SIPA1L1: variants seen among roughly 807,000 people sequenced by gnomAD.
The protein encoded by SIPA1L1 is signal induced proliferation associated 1 like 1, also known as signal-induced proliferation-associated 1-like protein 1.
SIPA1L1 carries 26 observed loss-of-function variants against 162.7 expected under a neutral mutation model. The ratio of observed to expected loss-of-function variants is 0.16; its 90% CI spans 0.12 to 0.22. SIPA1L1 has a LOEUF of 0.22. Among genes scored for constraint, SIPA1L1 ranks in the 10% least tolerant of loss-of-function variants. SIPA1L1 has a pLI of 1.00. For synonymous variants in SIPA1L1, 829 were observed against 837.4 expected (o/e 0.99, Z 0.17); for missense variants, 1,874 against 2,241.0 (o/e 0.84, Z 3.31).
intron 2 of SIPA1L1, among the ~76,000 whole-genome samples, chr14:71,371,907 T>C (rs2038925061): frequency 1.3e-5 from 2 of 152,184 alleles, no homozygotes; most frequent in South Asian, 4.1e-4. Context: ...TGGCATAGTC[T>C]AGAGGTCAGG....
chr14:71,386,709 T>TATTCATTC (rs2040350131), intron 2 of SIPA1L1, among the ~76,000 whole-genome samples: 1 of 152,226 alleles, frequency 6.6e-6, no homozygotes, highest in Non-Finnish European at 1.5e-5. Context: ...AGCTCCTGAC[T>TATTCATTC]AGAAGATAAC....
At position 71,658,379 on chromosome 14, in the gene SIPA1L1, T is replaced by C. The variant is rs2043240810; in HGVS notation, c.2040T>C (p.Tyr680=). The change falls in exon 9 of 24, where the codon TAT becomes TAC. Residue 680 remains tyrosine (Y), a synonymous_variant. Coordinates refer to ENST00000381232, the MANE Select transcript of SIPA1L1 (RefSeq NM_001386936.1). Reference sequence around the variant, plus strand: ...CTCTGTACACAACATACAAAGATTATGAAATTATGTTCCATGTTTCTACCA... The same window carrying C: ...CTCTGTACACAACATACAAAGATTACGAAATTATGTTCCATGTTTCTACCA... ...THSLYTTYKD[Y]EIMFHVSTML... is the part of the protein sequence containing the mutation. 5 of 1,612,528 alleles carry C rather than the reference T, an allele frequency of 3.1e-6. No individual in the cohort carries two copies. Among genetic ancestry groups the C allele is most frequent in the Middle Eastern group, 1.7e-4 (1 of 6,058 alleles).
intron 2 of SIPA1L1, among the ~76,000 whole-genome samples, chr14:71,466,218 T>C (rs1472281862): frequency 6.6e-6 from 1 of 152,182 alleles, no homozygotes; most frequent in Non-Finnish European, 1.5e-5. Flanking sequence ...CAAAGAGAGC[T>C]CTGCTTTGTT....
At chr14:71,544,220 T>G (rs554362573) in intron 4 of SIPA1L1, among the ~76,000 whole-genome samples, 1 of 151,130 alleles carries the variant, frequency 6.6e-6, no homozygotes, top group East Asian at 1.9e-4. Context: ...TGCATGTGTA[T>G]ATACATATAT....
chr14:71,567,520 C>G (rs112965258), intron 4 of SIPA1L1, among the ~76,000 whole-genome samples: 4,694 of 152,226 alleles, frequency 0.031, 251 homozygotes, highest in African/African-American at 0.11. Flanking sequence ...ATGGCTACTC[C>G]ATAGGCAGAG....
intron 21 of SIPA1L1, 100 bp downstream of exon 21, chr14:71,733,912 C>A: frequency 1.6e-6 from 2 of 1,257,886 alleles, no homozygotes; most frequent in African/African-American, 1.5e-5. Flanking sequence ...AACATATGTG[C>A]CTCACCAGAT....
rs2082713862 is a variant in SIPA1L1, at chr14:71,709,545, G to A, written c.4089G>A (p.Leu1363=). The A allele has an allele frequency of 1.9e-6, 3 of 1,614,176 alleles. No individual in the cohort carries two copies. The East Asian group carries it at 6.7e-5, about 36-fold the overall frequency. Residue 1363 remains leucine (L), a synonymous_variant, in exon 17 of 24, where the codon CTG becomes CTA. Transcript: ENST00000381232. ...CTTTGGAGACAGAGAGCCACGGCCT[G>A]GACCGGAAAACAGAGTCTTCCCTGA... ...DRTLETESHG[L]DRKTESSLSL... is the part of the protein sequence containing the mutation.
At chr14:71,700,811 G>A (rs1002998397) in intron 14 of SIPA1L1, among the ~76,000 whole-genome samples, 16 of 151,874 alleles carry the variant, frequency 1.1e-4, no homozygotes, top group Non-Finnish European at 1.5e-5. Context: ...TGGCTAACAT[G>A]GTGAAACCTC....
chr14:71,567,331 T>A (rs550327045), intron 4 of SIPA1L1, among the ~76,000 whole-genome samples: 61 of 152,286 alleles, frequency 4.0e-4, no homozygotes, highest in African/African-American at 1.3e-3. Flanking sequence ...TTGTTTTTAA[T>A]AGCAAAAAAT....
At chr14:71,339,711 A>G (rs1296536507) in intron 2 of SIPA1L1, among the ~76,000 whole-genome samples, 1 of 151,948 alleles carries the variant, frequency 6.6e-6, no homozygotes, top group Non-Finnish European at 1.5e-5. Context: ...AGAAGGAGCC[A>G]CTCTATCTTC....
intron 2 of SIPA1L1, among the ~76,000 whole-genome samples, chr14:71,448,020 C>G (rs1417410970): frequency 6.6e-5 from 10 of 152,172 alleles, no homozygotes; most frequent in Admixed American, 6.6e-4. Context: ...GCTTTCTGTT[C>G]TGTGGCCAGA....
At chr14:71,520,756 T>C (rs2052252992) in intron 3 of SIPA1L1, among the ~76,000 whole-genome samples, 1 of 152,102 alleles carries the variant, frequency 6.6e-6, no homozygotes, top group African/African-American at 2.4e-5. Context: ...TCTTTCCTTA[T>C]TATTATTTAT....
intron 2 of SIPA1L1, among the ~76,000 whole-genome samples, chr14:71,335,718 G>A (rs1234986426): frequency 6.6e-6 from 1 of 152,206 alleles, no homozygotes. Flanking sequence ...CTCTCTACAT[G>A]AGGGTTTTTG....
chr14:71,652,983 A>G (rs1242508019), intron 8 of SIPA1L1, among the ~76,000 whole-genome samples: 1 of 151,380 alleles, frequency 6.6e-6, no homozygotes, highest in Non-Finnish European at 1.5e-5. Context: ...ACTTCCTCAC[A>G]TGTCTGGTTG....
intron 5 of SIPA1L1, among the ~76,000 whole-genome samples, chr14:71,593,032 C>A (rs2035595304): frequency 6.6e-6 from 1 of 152,142 alleles, no homozygotes. Context: ...TTGAGTTCCT[C>A]ACTTAATGCC....
At chr14:71,420,541 A>G (rs543846496) in intron 2 of SIPA1L1, among the ~76,000 whole-genome samples, 256 of 152,342 alleles carry the variant, frequency 1.7e-3, no homozygotes, top group African/African-American at 5.1e-3. Flanking sequence ...AATTCCCACC[A>G]GATCACTCAG....
chr14:71,678,866 GGAGAA>G (rs1314152123), intron 12 of SIPA1L1, among the ~76,000 whole-genome samples: 1 of 151,550 alleles, frequency 6.6e-6, no homozygotes, highest in Non-Finnish European at 1.5e-5. Flanking sequence ...TTTAGTCTTG[GGAGAA>G]GAGAAGTTTA....
intron 2 of SIPA1L1, among the ~76,000 whole-genome samples, chr14:71,339,955 G>A (rs563116255): frequency 1.1e-4 from 17 of 152,198 alleles, no homozygotes; most frequent in Admixed American, 4.6e-4. Context: ...GAGTTGAGGC[G>A]TTATCTAATG....
rs570482146 is a variant in SIPA1L1 at position 71,502,727 on chromosome 14, G to A, written c.-464-10016G>A. 2.0e-5 allele frequency among the ~76,000 whole-genome samples: 3 copies of A among 152,288 alleles called. No individual in the cohort carries two copies. In the South Asian group the frequency reaches 6.2e-4, roughly 32 times the overall value. On this transcript the variant is annotated intron_variant, in intron 2 of 23. Coordinates refer to ENST00000381232, the MANE Select transcript of SIPA1L1 (RefSeq NM_001386936.1). The stretch of plus-strand genomic sequence containing the variant: ...ATTTTTCACCTACATTAGTGCAAAT[G>A]TAGTTATGGTTTAATATACTTCTCA...
Sources: allele counts gnomAD v4.1 joint callset (sites outside exome capture counted in the v4.1 genomes callset), GRCh38; gene constraint gnomAD v4.1.1; transcripts MANE v1.5; gene names NCBI Gene and HGNC (gene_info 2026-07-23, HGNC 2026-07-21).